Variants in ATXN7L1 observed in about 807,000 individuals in gnomAD.
ATXN7L1 encodes the protein ataxin-7-like protein 1.
A neutral mutation model predicts 70.8 loss-of-function variants in ATXN7L1; 15 were observed. The observed-to-expected ratio is 0.21, with a 90% confidence interval of 0.14 to 0.33. ATXN7L1 has a LOEUF of 0.33. Among genes scored for constraint, ATXN7L1 ranks in the 10% least tolerant of loss-of-function variants. The pLI is 1.00. For synonymous variants in ATXN7L1, 440 were observed against 445.1 expected (o/e 0.99, Z 0.14); for missense variants, 975 against 1,097.1 (o/e 0.89, Z 1.57).
chr7:105,731,434 C>CTTT (rs34234302), intron 3 of ATXN7L1, among the ~76,000 whole-genome samples: 3 of 134,298 alleles, frequency 2.2e-5, no homozygotes, highest in African/African-American at 5.5e-5. Context: ...CTTCTTACTC[C>CTTT]TTTTTTTTTT....
intron 3 of ATXN7L1, among the ~76,000 whole-genome samples, chr7:105,716,664 TGC>T (rs1563031837): frequency 4.0e-5 from 4 of 98,838 alleles, no homozygotes; most frequent in African/African-American, 1.8e-4. Flanking sequence ...AACCTATCTC[TGC>T]ACACACACAC....
At position 105,876,511 on chromosome 7, in the gene ATXN7L1, G is replaced by C. The variant is rs368484502; in HGVS notation, c.48C>G (p.Ala16=). 3 of 1,613,186 alleles carry C rather than the reference G, an allele frequency of 1.9e-6. No homozygotes were observed. The highest frequency in any genetic ancestry group is 2.2e-5 in the South Asian group (2 of 90,980). Residue 16 remains alanine (A), a synonymous_variant, in exon 1 of 12, where the codon GCC becomes GCG. Coordinates refer to ENST00000419735, the MANE Select transcript of ATXN7L1 (RefSeq NM_020725.2). ...SRIPCLSAAA[A]EGTGKKQQEG... ...CTTGTTGCTTTTTCCCTGTTCCTTC[G>C]GCAGCAGCAGCCGAGAGACACGGGA...
chr7:105,761,456 C>T (rs374023462), intron 3 of ATXN7L1: 48 of 1,614,108 alleles, frequency 3.0e-5, no homozygotes, highest in South Asian at 2.0e-4. Flanking sequence ...TGTTGTCTTG[C>T]TTTCTCCCTT....
intron 3 of ATXN7L1, among the ~76,000 whole-genome samples, chr7:105,699,111 A>C (rs1436464439): frequency 6.6e-6 from 1 of 152,138 alleles, no homozygotes; most frequent in Non-Finnish European, 1.5e-5. Flanking sequence ...GGCTCTTTCC[A>C]AAAGATCTTC....
At chr7:105,754,251 G>GGGGAA (rs1799535152) in intron 3 of ATXN7L1, among the ~76,000 whole-genome samples, 1 of 152,160 alleles carries the variant, frequency 6.6e-6, no homozygotes, top group Non-Finnish European at 1.5e-5. Flanking sequence ...GTGGAGGAGA[G>GGGGAA]GGGAAGGACA....
intron 3 of ATXN7L1, among the ~76,000 whole-genome samples, chr7:105,714,708 G>A (rs1417878375): frequency 2.0e-5 from 3 of 152,146 alleles, no homozygotes; most frequent in South Asian, 2.1e-4. Context: ...TGTCGCCCAC[G>A]CTGGAGTGCA....
At position 105,725,299 on chromosome 7, in the gene ATXN7L1, G is replaced by C. The variant is rs113924248; in HGVS notation, c.356-60011C>G. On this transcript the variant is annotated intron_variant, in intron 3 of 11. Transcript: ENST00000419735. ...GACAAGCTATAAAACAATAATAGGTGGAAGCAACCAGACCCCCTCCATCTT... is the reference window on the plus strand; with the variant it reads ...GACAAGCTATAAAACAATAATAGGTCGAAGCAACCAGACCCCCTCCATCTT... 4.9e-3 allele frequency among the ~76,000 whole-genome samples: 739 copies of C among 152,248 alleles called. 5 individuals carry two copies. The highest frequency in any genetic ancestry group is 0.016 in the African/African-American group (674 of 41,540).
chr7:105,760,734 A>G (rs183617097), intron 3 of ATXN7L1: 10 of 215,122 alleles, frequency 4.6e-5, no homozygotes, highest in Non-Finnish European at 5.6e-5. Context: ...TCCAGAAGGA[A>G]GTAATCATTA....
Position 105,758,222 on chromosome 7 carries a change from A to G in ATXN7L1, c.355+30382T>C, listed in dbSNP as rs146468630. 2.2e-3 allele frequency among the ~76,000 whole-genome samples: 330 copies of G among 152,314 alleles called. 1 individual carries two copies. Among genetic ancestry groups the G allele is most frequent in the African/African-American group, 7.4e-3 (309 of 41,568 alleles). On this transcript the variant is annotated intron_variant, in intron 3 of 11. Transcript: ENST00000419735. ...TGTGAAGGGGGAAGCAGAACTTCGCAAGGGGAATAAACCTATCAGGGCCTT... is the reference window on the plus strand; with the variant it reads ...TGTGAAGGGGGAAGCAGAACTTCGCGAGGGGAATAAACCTATCAGGGCCTT...
chr7:105,842,489 T>C (rs185752656), intron 2 of ATXN7L1, among the ~76,000 whole-genome samples: 1 of 152,358 alleles, frequency 6.6e-6, no homozygotes, highest in Non-Finnish European at 1.5e-5. Context: ...CTTCTTTCTT[T>C]CACTTAACAT....
intron 3 of ATXN7L1, among the ~76,000 whole-genome samples, chr7:105,769,130 T>G (rs1801656485): frequency 1.3e-5 from 2 of 152,206 alleles, no homozygotes. Flanking sequence ...CTTACTGAGT[T>G]GTTATGAAAA....
At chr7:105,860,331 T>C (rs985925057) in intron 2 of ATXN7L1, among the ~76,000 whole-genome samples, 5 of 151,910 alleles carry the variant, frequency 3.3e-5, no homozygotes, top group Non-Finnish European at 7.4e-5. Context: ...ATGAAAAACT[T>C]TAGGTGCTCA....
chr7:105,825,891 A>G (rs1281552645), intron 2 of ATXN7L1, among the ~76,000 whole-genome samples: 1 of 152,190 alleles, frequency 6.6e-6, no homozygotes, highest in African/African-American at 2.4e-5. Context: ...TACAAGCTTG[A>G]TGTAACCACA....
At chr7:105,778,510 C>CAAAAAAAAAA (rs745820046) in intron 3 of ATXN7L1, among the ~76,000 whole-genome samples, 1 of 34,170 alleles carries the variant, frequency 2.9e-5, no homozygotes. Flanking sequence ...GACCCTATCT[C>CAAAAAAAAAA]AAAAAAAAAA....
At chr7:105,691,630 A>C (rs1790851255) in intron 3 of ATXN7L1, 1 of 149,088 alleles carries the variant, frequency 6.7e-6, no homozygotes, top group Admixed American at 6.8e-5. Context: ...TTGGAACCTG[A>C]AGCGATCCAC....
intron 3 of ATXN7L1, among the ~76,000 whole-genome samples, chr7:105,709,899 G>A (rs6957932): frequency 0.077 from 11,634 of 150,476 alleles, 519 homozygotes; most frequent in South Asian, 0.14. Context: ...TTGATACAGA[G>A]TCTCATTCTG....
At chr7:105,834,780 G>A (rs1339720619) in intron 2 of ATXN7L1, among the ~76,000 whole-genome samples, 1 of 152,118 alleles carries the variant, frequency 6.6e-6, no homozygotes, top group African/African-American at 2.4e-5. Context: ...TGACTAGAAC[G>A]AATCCTGCCA....
intron 3 of ATXN7L1, among the ~76,000 whole-genome samples, chr7:105,735,970 G>A (rs999404250): frequency 6.6e-6 from 1 of 152,138 alleles, no homozygotes; most frequent in African/African-American, 2.4e-5. Flanking sequence ...ATTATTTAAT[G>A]AAACAAGGGA....
chr7:105,805,892 C>T (rs373698882), intron 2 of ATXN7L1, among the ~76,000 whole-genome samples: 2 of 152,150 alleles, frequency 1.3e-5, no homozygotes, highest in Middle Eastern at 6.8e-3. Context: ...AGGTGCGAGG[C>T]AGAGTTTTAC....
Sources: allele counts gnomAD v4.1 joint callset (sites outside exome capture counted in the v4.1 genomes callset), GRCh38; gene constraint gnomAD v4.1.1; transcripts MANE v1.5; gene names NCBI Gene and HGNC (gene_info 2026-07-23, HGNC 2026-07-21).